ST8SIA1: variants seen among roughly 807,000 people sequenced by gnomAD.
ST8SIA1 encodes the protein alpha-N-acetylneuraminide alpha-2,8-sialyltransferase.
Under a neutral mutation model 35.9 loss-of-function variants are expected in ST8SIA1, and 16 were observed. That is an observed-to-expected ratio of 0.45 (90% CI 0.30 to 0.68). The LOEUF (loss-of-function observed/expected upper bound fraction) is 0.68, where lower values mean the gene tolerates loss of function less well. ST8SIA1 is among the 30% of genes least tolerant of loss of function. The pLI is 0.09. For missense variants in ST8SIA1, 383 were observed against 453.6 expected (o/e 0.84, Z 1.41); for synonymous variants, 170 against 169.6 (o/e 1.00, Z -0.02).
At chr12:22,238,677 TC>T (rs1230732638) in intron 4 of ST8SIA1, among the ~76,000 whole-genome samples, 1 of 152,180 alleles carries the variant, frequency 6.6e-6, no homozygotes, top group Non-Finnish European at 1.5e-5. Flanking sequence ...CACTTCAATC[TC>T]CCCCTCCTAA....
Position 22,197,720 on chromosome 12 carries a change from A to G in ST8SIA1, c.*3832T>C, listed in dbSNP as rs1482742392. ...CCATGTTGTCCAGATTGCTTCAGGTACAAGTTATATATAGCCTAAACAATT... is the reference window on the plus strand; with the variant it reads ...CCATGTTGTCCAGATTGCTTCAGGTGCAAGTTATATATAGCCTAAACAATT... On this transcript the variant is annotated 3_prime_UTR_variant, in exon 5 of 5. Coordinates refer to ENST00000396037, the MANE Select transcript of ST8SIA1 (RefSeq NM_003034.4). 6.6e-6 allele frequency: 1 copy of G among 152,184 alleles called. No individual in the cohort carries two copies. The allele number at this position is 152,184 out of a possible 1,614,324, so 9.4% of individuals were successfully genotyped here.
chr12:22,262,974 G>T (rs2135801329), intron 2 of ST8SIA1, among the ~76,000 whole-genome samples: 1 of 152,198 alleles, frequency 6.6e-6, no homozygotes, highest in East Asian at 1.9e-4. Flanking sequence ...ATCCTTTTCG[G>T]ATTCTTTTTG....
intron 4 of ST8SIA1, among the ~76,000 whole-genome samples, chr12:22,217,585 T>A (rs1281266593): frequency 6.6e-6 from 1 of 152,226 alleles, no homozygotes; most frequent in Non-Finnish European, 1.5e-5. Context: ...ACTTCATTGC[T>A]TTATGCCTCA....
At chr12:22,322,873 T>C (rs945737086) in intron 1 of ST8SIA1, among the ~76,000 whole-genome samples, 6 of 152,214 alleles carry the variant, frequency 3.9e-5, no homozygotes, top group African/African-American at 1.4e-4. Flanking sequence ...AAAATGACTC[T>C]TAAAATTAGA....
intron 4 of ST8SIA1, among the ~76,000 whole-genome samples, chr12:22,217,700 T>C (rs1021463014): frequency 3.9e-5 from 6 of 152,180 alleles, no homozygotes; most frequent in Admixed American, 3.3e-4. Context: ...GCCTGGCACA[T>C]AATAAGTCTT....
chr12:22,244,084 T>C (rs1229067469), intron 4 of ST8SIA1, among the ~76,000 whole-genome samples: 2 of 152,132 alleles, frequency 1.3e-5, no homozygotes, highest in Non-Finnish European at 2.9e-5. Flanking sequence ...GAGATCCTTT[T>C]TATATAGAAC....
At chr12:22,208,830 T>C (rs975694153) in intron 4 of ST8SIA1, among the ~76,000 whole-genome samples, 1 of 152,174 alleles carries the variant, frequency 6.6e-6, no homozygotes, top group Non-Finnish European at 1.5e-5. Context: ...CTAAGCATTT[T>C]TGGAGATTTC....
At chr12:22,288,494 T>TCCTCACC (rs1866132284) in intron 1 of ST8SIA1, among the ~76,000 whole-genome samples, 1 of 152,288 alleles carries the variant, frequency 6.6e-6, no homozygotes, top group African/African-American at 2.4e-5. Context: ...CCAGCCTCAT[T>TCCTCACC]GTTGCCAGGA....
chr12:22,295,490 T>C (rs1454167484), intron 1 of ST8SIA1, among the ~76,000 whole-genome samples: 2 of 152,096 alleles, frequency 1.3e-5, no homozygotes, highest in Non-Finnish European at 1.5e-5. Context: ...CCCAGCACTT[T>C]AGGAAGCCAA....
At chr12:22,245,843 T>C (rs1865594259) in intron 4 of ST8SIA1, among the ~76,000 whole-genome samples, 1 of 152,124 alleles carries the variant, frequency 6.6e-6, no homozygotes, top group Non-Finnish European at 1.5e-5. Flanking sequence ...GTTTCATCAA[T>C]CACGCCTGCT....
intron 1 of ST8SIA1, among the ~76,000 whole-genome samples, chr12:22,309,180 C>G (rs2135831034): frequency 1.3e-5 from 2 of 152,242 alleles, no homozygotes; most frequent in East Asian, 3.9e-4. Flanking sequence ...AGTTCTTGGC[C>G]ATGACGAGGG....
chr12:22,304,743 C>T (rs1272819774), intron 1 of ST8SIA1, among the ~76,000 whole-genome samples: 1 of 152,176 alleles, frequency 6.6e-6, no homozygotes, highest in South Asian at 2.1e-4. Context: ...ATGGTCTAGC[C>T]TCATAATAAT....
chr12:22,249,320 G>A lies in ST8SIA1; in HGVS notation c.492-222C>T, dbSNP rs1389630003. On this transcript the variant is annotated intron_variant, in intron 3 of 4. Transcript: ENST00000396037. Reference sequence around the variant, plus strand: ...TGCAAGCTCCACCTGCCGGGTTCACGCCATTCTCCTGCCTCAGCCTCCCGA... The same window carrying A: ...TGCAAGCTCCACCTGCCGGGTTCACACCATTCTCCTGCCTCAGCCTCCCGA... 2.7e-5 allele frequency among the ~76,000 whole-genome samples: 4 copies of A among 149,978 alleles called. 1 individual carries two copies. Among genetic ancestry groups the A allele is most frequent in the Middle Eastern group, 6.5e-3 (2 of 310 alleles).
chr12:22,282,502 C>T (rs1008132560), intron 2 of ST8SIA1, among the ~76,000 whole-genome samples: 8 of 152,188 alleles, frequency 5.3e-5, no homozygotes, highest in African/African-American at 1.7e-4. Flanking sequence ...TCCAGCTTTC[C>T]TCTTCTGTTT....
intron 4 of ST8SIA1, among the ~76,000 whole-genome samples, chr12:22,232,576 G>GA (rs1346330187): frequency 6.6e-6 from 1 of 152,156 alleles, no homozygotes; most frequent in Non-Finnish European, 1.5e-5. Flanking sequence ...TTAGGTATAT[G>GA]AGTCTGGAGA....
chr12:22,209,405 G>A (rs188275423), intron 4 of ST8SIA1, among the ~76,000 whole-genome samples: 36 of 152,174 alleles, frequency 2.4e-4, no homozygotes, highest in African/African-American at 4.8e-4. Flanking sequence ...AAATAAGCAC[G>A]ACCTCACTCG....
chr12:22,299,963 CT>C (rs1866298686), intron 1 of ST8SIA1, among the ~76,000 whole-genome samples: 2 of 152,048 alleles, frequency 1.3e-5, no homozygotes, highest in African/African-American at 4.8e-5. Context: ...TACAGAAAGT[CT>C]TTTCTTTTGC....
intron 4 of ST8SIA1, among the ~76,000 whole-genome samples, chr12:22,220,357 T>TCC (rs1865283223): frequency 6.6e-6 from 1 of 152,184 alleles, no homozygotes; most frequent in African/African-American, 2.4e-5. Flanking sequence ...AGGAGTATGT[T>TCC]TGGCAGAGGG....
intron 4 of ST8SIA1, among the ~76,000 whole-genome samples, chr12:22,205,369 T>C (rs532632940): frequency 6.6e-6 from 1 of 152,226 alleles, no homozygotes; most frequent in South Asian, 2.1e-4. Flanking sequence ...GCCCATGAAT[T>C]ATTAAAATAG....
Sources: allele counts gnomAD v4.1 joint callset (sites outside exome capture counted in the v4.1 genomes callset), GRCh38; gene constraint gnomAD v4.1.1; transcripts MANE v1.5; gene names NCBI Gene and HGNC (gene_info 2026-07-23, HGNC 2026-07-21).